The following ZHX3 variants were observed in gnomAD, a reference collection of about 807,000 sequenced individuals.
ZHX3 encodes zinc fingers and homeoboxes 3.
A neutral mutation model predicts 64.5 loss-of-function variants in ZHX3; 20 were observed. The ratio of observed to expected loss-of-function variants is 0.31; its 90% CI spans 0.22 to 0.45. The LOEUF is 0.45. Among genes scored for constraint, ZHX3 ranks in the 20% least tolerant of loss-of-function variants. The pLI is 1.00. For missense variants in ZHX3, 1,041 were observed against 1,195.8 expected, an observed-to-expected ratio of 0.87 and a Z score of 1.91; for synonymous variants, 423 against 461.6, an observed-to-expected ratio of 0.92 and a Z score of 1.07.
In ZHX3 at chr20:41,202,770, A is replaced by G. The variant is rs775816337; in HGVS notation, c.2147T>C (p.Ile716Thr). Residue 716 changes from isoleucine to threonine, a missense_variant, in exon 3 of 4, where the codon ATC (isoleucine) becomes ACC (threonine). Physicochemically the swap from Ile to Thr is moderately conservative, Grantham distance 89. Coordinates refer to ENST00000683867, the MANE Select transcript of ZHX3 (RefSeq NM_001384317.1). This position sits in a 1 kb window ranked among gnomAD's most constrained non-coding sequence, Gnocchi z 7.0. ...NGSLEMPSSH[I>T]LAERKVSPIK... ...GGGGCTGACTTTGCGCTCTGCCAAG[A>G]TATGGCTGCTGGGCATTTCCAGAGA... is the stretch of plus-strand genomic sequence containing the variant. The G allele has an allele frequency of 6.2e-7, 1 of 1,614,104 alleles. No individual in the cohort carries two copies. The highest frequency in any genetic ancestry group is 1.1e-5 in the South Asian group (1 of 91,068).
chr20:41,284,559 T>C (rs1465427556), intron 1 of ZHX3, among the ~76,000 whole-genome samples: 1 of 152,168 alleles, frequency 6.6e-6, no homozygotes, highest in African/African-American at 2.4e-5. Flanking sequence ...TCCTAAATCT[T>C]CAATCTGTCT....
intron 1 of ZHX3, among the ~76,000 whole-genome samples, chr20:41,305,402 A>T (rs1285007904): frequency 1.3e-5 from 2 of 152,056 alleles, no homozygotes; most frequent in Non-Finnish European, 2.9e-5. Context: ...CTGAGGAGGG[A>T]GGCTACTTGA....
chr20:41,213,600 C>G (rs2039316982), intron 2 of ZHX3: 1 of 152,742 alleles, frequency 6.5e-6, no homozygotes, highest in South Asian at 2.1e-4. Flanking sequence ...GGCAGCAGAA[C>G]TCAGGAGAAG....
chr20:41,188,412 T>A (rs1296973543), intron 3 of ZHX3: 1 of 137,888 alleles, frequency 7.3e-6, no homozygotes, highest in Non-Finnish European at 1.6e-5. Context: ...CCCCACCTTT[T>A]TTTTTTTTTT....
chr20:41,297,705 G>C (rs1256058858), intron 1 of ZHX3, among the ~76,000 whole-genome samples: 1 of 152,216 alleles, frequency 6.6e-6, no homozygotes, highest in East Asian at 1.9e-4. Flanking sequence ...TAGTTACCCA[G>C]GGTAAGTAAG....
intron 2 of ZHX3, among the ~76,000 whole-genome samples, chr20:41,211,227 G>A (rs377157436): frequency 1.3e-5 from 2 of 152,070 alleles, no homozygotes; most frequent in South Asian, 2.1e-4. Flanking sequence ...ATTACTTTTC[G>A]TTTTAGCAAA....
intron 2 of ZHX3, among the ~76,000 whole-genome samples, chr20:41,211,647 C>T (rs2039166165): frequency 6.6e-6 from 1 of 152,118 alleles, no homozygotes; most frequent in East Asian, 1.9e-4. Context: ...CTTTTTGTTA[C>T]ACAAGCTTCA....
Position 41,302,941 on chromosome 20 carries a change from G to A in ZHX3, c.-245+14568C>T, listed in dbSNP as rs546931840. On this transcript the variant is annotated intron_variant, in intron 1 of 3. Transcript: ENST00000683867. Reference sequence around the variant, plus strand: ...AGGCTGAATTAAAATGGCAGCTGGAGAGAAGGGAGAGGACTCTAGTGGTAA... The same window carrying A: ...AGGCTGAATTAAAATGGCAGCTGGAAAGAAGGGAGAGGACTCTAGTGGTAA... 7.9e-4 allele frequency among the ~76,000 whole-genome samples: 121 copies of A among 152,392 alleles called. 2 individuals are homozygous for A. Among genetic ancestry groups the A allele is most frequent in the African/African-American group, 2.9e-3 (119 of 41,594 alleles).
chr20:41,292,715 C>T (rs1158514543), intron 1 of ZHX3, among the ~76,000 whole-genome samples: 1 of 152,200 alleles, frequency 6.6e-6, no homozygotes, highest in African/African-American at 2.4e-5. Context: ...CATAACATTT[C>T]TTATAAAAGA....
chr20:41,300,693 A>C (rs564767464), intron 1 of ZHX3, among the ~76,000 whole-genome samples: 1 of 152,310 alleles, frequency 6.6e-6, no homozygotes, highest in East Asian at 1.9e-4. Flanking sequence ...GAAGCTGGAA[A>C]GGCAAGTAGT....
At chr20:41,207,296 T>C (rs1225825151) in intron 2 of ZHX3, among the ~76,000 whole-genome samples, 2 of 152,062 alleles carry the variant, frequency 1.3e-5, no homozygotes. Flanking sequence ...AATTCACACA[T>C]AACAATATTA....
At chr20:41,316,337 G>A (rs1196906191) in intron 1 of ZHX3, among the ~76,000 whole-genome samples, 1 of 152,014 alleles carries the variant, frequency 6.6e-6, no homozygotes, top group South Asian at 2.1e-4. Context: ...AATTAAGCTC[G>A]AATAAGTTGT....
intron 2 of ZHX3, among the ~76,000 whole-genome samples, chr20:41,218,927 T>G (rs1315406438): frequency 3.5e-5 from 5 of 142,754 alleles, no homozygotes; most frequent in African/African-American, 1.3e-4. Context: ...AGTGCTGTTT[T>G]TTTTTTTTTT....
At chr20:41,187,473 A>G (rs565112900) in intron 3 of ZHX3, among the ~76,000 whole-genome samples, 1 of 152,268 alleles carries the variant, frequency 6.6e-6, no homozygotes, top group African/African-American at 2.4e-5. Flanking sequence ...AGGTAAGAGT[A>G]TAATTTCATA....
chr20:41,266,844 C>CTTTT (rs11327834), intron 2 of ZHX3, among the ~76,000 whole-genome samples: 1 of 76,436 alleles, frequency 1.3e-5, no homozygotes, highest in Non-Finnish European at 2.7e-5. Flanking sequence ...CGTGCCCGGC[C>CTTTT]TTTTTTTTTT....
At chr20:41,254,909 C>T (rs1166937686) in intron 2 of ZHX3, among the ~76,000 whole-genome samples, 1 of 151,980 alleles carries the variant, frequency 6.6e-6, no homozygotes, top group Non-Finnish European at 1.5e-5. Flanking sequence ...TGAATGTGTG[C>T]TACAGGAAAG....
intron 3 of ZHX3, among the ~76,000 whole-genome samples, chr20:41,193,006 G>A (rs1003759166): frequency 2.0e-5 from 3 of 152,194 alleles, no homozygotes; most frequent in African/African-American, 7.2e-5. Flanking sequence ...CAGCTGAACA[G>A]GCTGCCTTGC....
intron 3 of ZHX3, among the ~76,000 whole-genome samples, chr20:41,187,413 C>CT (rs1600700746): frequency 6.7e-6 from 1 of 148,820 alleles, no homozygotes; most frequent in African/African-American, 2.5e-5. Context: ...ATAGCTTTAG[C>CT]TTTTTTTAGT....
intron 1 of ZHX3, among the ~76,000 whole-genome samples, chr20:41,310,247 T>C (rs1469416979): frequency 2.0e-5 from 3 of 152,184 alleles, no homozygotes; most frequent in Non-Finnish European, 4.4e-5. Flanking sequence ...CATGGTCCTA[T>C]CTCAGTGGAG....
Sources: gnomAD v4.1 joint callset for allele counts (sites outside exome capture counted in the v4.1 genomes callset) on GRCh38, gnomAD v4.1.1 for gene constraint, Gnocchi (gnomAD v3.1) non-coding constraint, MANE v1.5 for transcripts, NCBI Gene and HGNC (gene_info 2026-07-23, HGNC 2026-07-21) for gene names.